Variants in STX6 observed in about 807,000 individuals in gnomAD.
The protein encoded by STX6 is syntaxin-6.
Under a neutral mutation model 38.0 loss-of-function variants are expected in STX6, and 23 were observed. The ratio of observed to expected loss-of-function variants is 0.60; its 90% CI spans 0.43 to 0.86. The LOEUF (loss-of-function observed/expected upper bound fraction) is 0.86. Among genes scored for constraint, STX6 ranks in the 40% least tolerant of loss-of-function variants. The pLI, the probability that STX6 is intolerant of heterozygous loss-of-function variation, is 0.00. For synonymous variants in STX6, 123 were observed against 107.5 expected, an observed-to-expected ratio of 1.14 and a Z score of -0.89; for missense variants, 274 against 312.9, an observed-to-expected ratio of 0.88 and a Z score of 0.94.
chr1:180,980,277 T>A (rs1004665185), intron 7 of STX6, among the ~76,000 whole-genome samples: 8 of 149,182 alleles, frequency 5.4e-5, no homozygotes, highest in African/African-American at 2.0e-4. Context: ...ACATTAGATG[T>A]CACTGGGGAA....
At chr1:181,021,685 T>C (rs1396565933) in intron 1 of STX6, among the ~76,000 whole-genome samples, 3 of 152,222 alleles carry the variant, frequency 2.0e-5, no homozygotes, top group Non-Finnish European at 4.4e-5. Context: ...TACATCAGAA[T>C]TGATCTTCTT....
chr1:180,990,231 G>A (rs1558090190), intron 4 of STX6, 122 bp from the exon 5 acceptor site: 2 of 1,291,478 alleles, frequency 1.5e-6, no homozygotes, highest in Non-Finnish European at 2.1e-6. Flanking sequence ...CCCTGGGCAA[G>A]GCTTTTATGT....
At chr1:180,990,559 G>GA (rs1655727690) in intron 4 of STX6, among the ~76,000 whole-genome samples, 1 of 102,178 alleles carries the variant, frequency 9.8e-6, no homozygotes, top group Non-Finnish European at 2.3e-5. Context: ...TTTGGTGGGG[G>GA]GAAAGGGAGA....
At chr1:181,019,351 A>AG (rs1009048753) in intron 1 of STX6, among the ~76,000 whole-genome samples, 15 of 144,896 alleles carry the variant, frequency 1.0e-4, no homozygotes, top group African/African-American at 2.1e-4. Context: ...GGAAATACAG[A>AG]GGAAAAAAAA....
At chr1:180,980,399 A>G (rs1655373289) in intron 7 of STX6, among the ~76,000 whole-genome samples, 1 of 152,104 alleles carries the variant, frequency 6.6e-6, no homozygotes, top group African/African-American at 2.4e-5. Context: ...CCTAGTGGGA[A>G]TTCAAACTGG....
At chr1:180,990,278 G>A (rs1422348331) in intron 4 of STX6, among the ~76,000 whole-genome samples, 169 bp from the exon 5 acceptor site, 1 of 152,124 alleles carries the variant, frequency 6.6e-6, no homozygotes, top group Non-Finnish European at 1.5e-5. Context: ...TACTATTTAA[G>A]GAATTCCAGG....
chr1:181,013,108 CA>C (rs1208126709), intron 1 of STX6, among the ~76,000 whole-genome samples: 4 of 150,582 alleles, frequency 2.7e-5, no homozygotes, highest in African/African-American at 9.8e-5. Context: ...GGTACATCAC[CA>C]AACTAGCCTC....
chr1:180,977,000 T>C (rs899084922), intron 7 of STX6, among the ~76,000 whole-genome samples: 1 of 152,370 alleles, frequency 6.6e-6, no homozygotes, highest in East Asian at 1.9e-4. Context: ...CTGCCTGCTT[T>C]AATCTCCCAT....
chr1:181,021,551 T>G (rs1656727220), intron 1 of STX6, among the ~76,000 whole-genome samples: 1 of 152,188 alleles, frequency 6.6e-6, no homozygotes, highest in African/African-American at 2.4e-5. Flanking sequence ...TAGCAGCAAC[T>G]AGTAAAAAGC....
At chr1:181,018,340 G>A (rs1366261486) in intron 1 of STX6, among the ~76,000 whole-genome samples, 4 of 125,030 alleles carry the variant, frequency 3.2e-5, no homozygotes, top group Admixed American at 1.1e-4. Flanking sequence ...CTGAGATCAC[G>A]CCATCGCCAT....
chr1:180,984,063 CAA>C (rs10625558), intron 7 of STX6, among the ~76,000 whole-genome samples: 1 of 7,166 alleles, frequency 1.4e-4, no homozygotes, highest in Non-Finnish European at 2.6e-4. Flanking sequence ...GGCTCCATCT[CAA>C]AAAAAAAAAA....
At chr1:181,006,555 T>C (rs1431520041) in intron 1 of STX6, among the ~76,000 whole-genome samples, 1 of 152,038 alleles carries the variant, frequency 6.6e-6, no homozygotes, top group Non-Finnish European at 1.5e-5. Context: ...TTTATAATCA[T>C]ATGGTCTCTC....
intron 3 of STX6, among the ~76,000 whole-genome samples, chr1:181,000,911 G>C (rs1300601799): frequency 6.7e-6 from 1 of 149,250 alleles, no homozygotes; most frequent in Non-Finnish European, 1.5e-5. Flanking sequence ...CAAAATAATT[G>C]GGGATTTACT....
chr1:181,002,624 A>G lies in STX6; in HGVS notation c.282T>C (p.Ser94=). 4 of 1,613,176 alleles carry G rather than the reference A, an allele frequency of 2.5e-6. No individual in the cohort carries two copies. Among genetic ancestry groups the G allele is most frequent in the Non-Finnish European group, 3.4e-6 (4 of 1,179,224 alleles). Residue 94 remains serine (S), a synonymous_variant, in exon 3 of 8, where the codon AGT becomes AGC. Coordinates refer to ENST00000258301, the MANE Select transcript of STX6 (RefSeq NM_005819.6). ...TCCTTACCCTGACAACTTGCCGAGT[A>G]CTTGTAATGAAGGCTTTTCTTATAC... ...ELSIRKAFIT[S]TRQVVRDMKD...
intron 1 of STX6, among the ~76,000 whole-genome samples, chr1:181,019,049 T>C (rs989719594): frequency 2.6e-5 from 4 of 152,218 alleles, no homozygotes; most frequent in Non-Finnish European, 4.4e-5. Flanking sequence ...ATGTGGCTAG[T>C]ATTCATCATA....
Position 180,974,749 on chromosome 1 carries a change from T to C in STX6, c.*1821A>G, listed in dbSNP as rs1655203358. On this transcript the variant is annotated 3_prime_UTR_variant, in exon 8 of 8. Transcript: ENST00000258301. ...TAGAAGATTCAAACTTTGTAAAACA[T>C]AAATAACCTAGTACTCTAAACATCT... 1.3e-5 allele frequency: 2 copies of C among 152,642 alleles called. No individual in the cohort carries two copies. The highest frequency in any genetic ancestry group is 2.9e-5 in the Non-Finnish European group (2 of 68,026). 9.5% of individuals were successfully genotyped at this position (152,642 alleles called of 1,614,324 possible). A position where few individuals can be genotyped will look rare whatever the true frequency, so the allele number is the denominator to read the frequency against.
intron 3 of STX6, among the ~76,000 whole-genome samples, chr1:180,995,863 G>T (rs947760078): frequency 3.3e-5 from 5 of 152,140 alleles, no homozygotes; most frequent in Non-Finnish European, 7.3e-5. Flanking sequence ...AGTGCAGTGG[G>T]GGGTAGAGAC....
At chr1:181,015,142 T>C (rs1353869540) in intron 1 of STX6, among the ~76,000 whole-genome samples, 2 of 152,184 alleles carry the variant, frequency 1.3e-5, no homozygotes, top group Non-Finnish European at 2.9e-5. Context: ...GTACTCTTTG[T>C]GGCCTCTATG....
chr1:180,998,773 C>G (rs1331305916), intron 3 of STX6, among the ~76,000 whole-genome samples: 2 of 152,210 alleles, frequency 1.3e-5, no homozygotes, highest in Non-Finnish European at 2.9e-5. Flanking sequence ...GGATCTTAAA[C>G]TATGTTACTA....
Sources: allele counts gnomAD v4.1 joint callset (sites outside exome capture counted in the v4.1 genomes callset), GRCh38; gene constraint gnomAD v4.1.1; transcripts MANE v1.5; gene names NCBI Gene and HGNC (gene_info 2026-07-23, HGNC 2026-07-21).